Variants in SMOC2 observed in about 807,000 individuals in gnomAD.
SMOC2 encodes the protein SPARC-related modular calcium-binding protein 2.
In SMOC2, 39 loss-of-function variants were observed where a neutral mutation model predicts 61.4. The observed-to-expected ratio is 0.64, with a 90% confidence interval of 0.49 to 0.83. SMOC2 has a LOEUF of 0.83. Among genes scored for constraint, SMOC2 ranks in the 40% least tolerant of loss-of-function variants. SMOC2 has a pLI of 0.00. For missense variants in SMOC2, 556 were observed against 592.9 expected, an observed-to-expected ratio of 0.94 and a Z score of 0.65; for synonymous variants, 247 against 239.9, an observed-to-expected ratio of 1.03 and a Z score of -0.27.
intron 9 of SMOC2, among the ~76,000 whole-genome samples, chr6:168,620,863 G>A (rs183354208): frequency 3.9e-5 from 6 of 152,340 alleles, no homozygotes; most frequent in Non-Finnish European, 8.8e-5. Flanking sequence ...GAGCAATTGA[G>A]TTATGTTCTT....
chr6:168,664,509 C>T (rs1390567961), intron 12 of SMOC2: 10 of 392,144 alleles, frequency 2.6e-5, no homozygotes, highest in Non-Finnish European at 4.4e-5. Context: ...CCACCGTACC[C>T]GGCTGAATTT....
chr6:168,478,481 A>G (rs1462185147), intron 1 of SMOC2, among the ~76,000 whole-genome samples: 4 of 152,186 alleles, frequency 2.6e-5, no homozygotes, highest in Admixed American at 2.6e-4. Context: ...ATGGTAGTAA[A>G]GTAAGTATTC....
intron 9 of SMOC2, among the ~76,000 whole-genome samples, chr6:168,623,972 T>G (rs1419589679): frequency 6.6e-6 from 1 of 151,836 alleles, no homozygotes; most frequent in Non-Finnish European, 1.5e-5. Context: ...GGCGGCTGGG[T>G]GGGGCATCGC....
At chr6:168,518,825 G>A (rs1429819978) in intron 2 of SMOC2, among the ~76,000 whole-genome samples, 2 of 147,968 alleles carry the variant, frequency 1.4e-5, no homozygotes, top group Middle Eastern at 3.6e-3. Flanking sequence ...GTTTATGTGA[G>A]TGCATGAGTG....
chr6:168,516,068 T>C (rs956535267), intron 2 of SMOC2, among the ~76,000 whole-genome samples: 1 of 152,092 alleles, frequency 6.6e-6, no homozygotes, highest in Non-Finnish European at 1.5e-5. Flanking sequence ...ATTTTTACAT[T>C]TTTGGTGGGT....
chr6:168,659,690 T>TA (rs1787442599), intron 11 of SMOC2, among the ~76,000 whole-genome samples: 2 of 52,928 alleles, frequency 3.8e-5, no homozygotes, highest in Non-Finnish European at 3.8e-5. Flanking sequence ...AGGTTGTAGG[T>TA]AGGGTGAGGG....
intron 9 of SMOC2, among the ~76,000 whole-genome samples, chr6:168,617,588 T>C (rs1285332237): frequency 6.6e-6 from 1 of 152,224 alleles, no homozygotes; most frequent in Non-Finnish European, 1.5e-5. Flanking sequence ...AAGTCCTGTC[T>C]CTGCTCCAAG....
At chr6:168,459,336 G>A (rs1326783371) in intron 1 of SMOC2, among the ~76,000 whole-genome samples, 1 of 152,158 alleles carries the variant, frequency 6.6e-6, no homozygotes, top group African/African-American at 2.4e-5. Flanking sequence ...CCCTGGTGGG[G>A]AATCTGGGCC....
intron 1 of SMOC2, among the ~76,000 whole-genome samples, chr6:168,498,292 T>C (rs1375516798): frequency 6.6e-6 from 1 of 152,206 alleles, no homozygotes; most frequent in Non-Finnish European, 1.5e-5. Context: ...TTTAGTGTAA[T>C]TTGCTCTAAA....
At chr6:168,563,133 A>G (rs1406842501) in intron 7 of SMOC2, among the ~76,000 whole-genome samples, 1 of 152,200 alleles carries the variant, frequency 6.6e-6, no homozygotes, top group African/African-American at 2.4e-5. Context: ...ATTTTAGGAA[A>G]AAGCAGGTAT....
intron 1 of SMOC2, among the ~76,000 whole-genome samples, chr6:168,444,729 A>G (rs1411650696): frequency 4.6e-5 from 7 of 152,162 alleles, no homozygotes; most frequent in Non-Finnish European, 1.0e-4. Context: ...CTCTAGTATA[A>G]ATGGTTTTTA....
chr6:168,637,864 C>T (rs1446429129), intron 9 of SMOC2, among the ~76,000 whole-genome samples: 1 of 152,184 alleles, frequency 6.6e-6, no homozygotes, highest in Admixed American at 6.5e-5. Context: ...GGAAGCTGGG[C>T]CTACGGAGGC....
intron 7 of SMOC2, among the ~76,000 whole-genome samples, chr6:168,566,380 A>G (rs1299763499): frequency 6.6e-6 from 1 of 151,734 alleles, no homozygotes; most frequent in South Asian, 2.1e-4. Context: ...TTTAACTTGT[A>G]TGTATGTGGA....
intron 9 of SMOC2, among the ~76,000 whole-genome samples, chr6:168,635,972 C>T (rs1786706293): frequency 6.6e-6 from 1 of 151,618 alleles, no homozygotes; most frequent in Admixed American, 6.6e-5. Context: ...TAAAAATAAA[C>T]ATTTTGCTCA....
At chr6:168,637,477 G>A (rs1317469366) in intron 9 of SMOC2, among the ~76,000 whole-genome samples, 4 of 152,176 alleles carry the variant, frequency 2.6e-5, no homozygotes, top group East Asian at 1.9e-4. Flanking sequence ...TACTCCTTGC[G>A]TCTTCTTACC....
intron 4 of SMOC2, among the ~76,000 whole-genome samples, chr6:168,533,287 A>G (rs1188175476): frequency 1.3e-5 from 2 of 152,198 alleles, no homozygotes; most frequent in Non-Finnish European, 2.9e-5. Context: ...TTGGAGTCGC[A>G]TGAATCTCAG....
intron 1 of SMOC2, among the ~76,000 whole-genome samples, chr6:168,444,841 C>A (rs7741920): frequency 0.2 from 30,486 of 152,034 alleles, 3,898 homozygotes; most frequent in East Asian, 0.45. Context: ...GATCCATAAG[C>A]CCATACCTAG....
intron 1 of SMOC2, among the ~76,000 whole-genome samples, chr6:168,508,909 C>T (rs115493018): frequency 0.048 from 7,277 of 152,266 alleles, 563 homozygotes; most frequent in African/African-American, 0.16. Flanking sequence ...AAGGAGAATA[C>T]CCCTTGGGGC....
intron 1 of SMOC2, among the ~76,000 whole-genome samples, chr6:168,462,396 C>T (rs1266339821): frequency 6.6e-6 from 1 of 152,180 alleles, no homozygotes; most frequent in Non-Finnish European, 1.5e-5. Context: ...ATTATCGTTT[C>T]CCGGCATCCT....
Sources: gnomAD v4.1 joint callset for allele counts (sites outside exome capture counted in the v4.1 genomes callset) on GRCh38, gnomAD v4.1.1 for gene constraint, MANE v1.5 for transcripts, NCBI Gene and HGNC (gene_info 2026-07-23, HGNC 2026-07-21) for gene names.